ELN: variants seen among roughly 807,000 people sequenced by gnomAD.
ELN encodes the protein elastin.
A neutral mutation model predicts 105.8 loss-of-function variants in ELN; 65 were observed. The observed-to-expected ratio is 0.61, with a 90% CI of 0.50 to 0.75. The LOEUF (loss-of-function observed/expected upper bound fraction) is 0.75, where lower values mean the gene tolerates loss of function less well. ELN is among the 30% of genes least tolerant of loss of function. The probability of loss-of-function intolerance (pLI) is 0.00; values close to 1 mark genes in which losing one functional copy is unlikely to be tolerated. For missense variants in ELN, 882 were observed against 969.4 expected, an observed-to-expected ratio of 0.91 and a Z score of 1.20; for synonymous variants, 368 against 389.2, an observed-to-expected ratio of 0.95 and a Z score of 0.64.
chr7:74,060,704 A>G, intron 25 of ELN: 9 of 1,378,414 alleles, frequency 6.5e-6, no homozygotes, highest in Non-Finnish European at 8.9e-6. Flanking sequence ...CCAATTGCAG[A>G]GTATCTGCCT....
intron 15 of ELN, among the ~76,000 whole-genome samples, chr7:74,050,325 C>G (rs1360569646): frequency 2.0e-5 from 3 of 151,716 alleles, no homozygotes; most frequent in Non-Finnish European, 4.4e-5. Context: ...CTCCATGCAT[C>G]CATCTATCCA....
chr7:74,057,404 G>A lies in ELN; in HGVS notation c.1358-236G>A, dbSNP rs529133775. 329 of 1,511,426 alleles carry A rather than the reference G, an allele frequency of 2.2e-4. 5 individuals carry two copies. In the East Asian group the frequency reaches 7.4e-3, roughly 34 times the overall value. 93.6% of individuals were successfully genotyped at this position (1,511,426 alleles called of 1,614,324 possible). A position where few individuals can be genotyped will look rare whatever the true frequency, so the allele number is the denominator to read the frequency against. Reference sequence around the variant, plus strand: ...GAGGTGCTGCAGGAGCAGGAGTGCTGGGTGGGCTAGTGCCAGGTGCCCCAG... The same window carrying A: ...GAGGTGCTGCAGGAGCAGGAGTGCTAGGTGGGCTAGTGCCAGGTGCCCCAG... On this transcript the variant is annotated intron_variant, in intron 21 of 32. Coordinates refer to ENST00000252034, the MANE Select transcript of ELN (RefSeq NM_000501.4).
intron 21 of ELN, among the ~76,000 whole-genome samples, chr7:74,057,088 A>G (rs1004151339): frequency 2.0e-5 from 3 of 151,998 alleles, no homozygotes; most frequent in Non-Finnish European, 4.4e-5. Context: ...AAATACAAAA[A>G]TTAGCTGGGC....
rs782166478 is a variant in ELN at position 74,060,117 on chromosome 7, C to A, written c.1577-23C>A. Reference sequence around the variant, plus strand: ...CATGGGCCCCGCCTCCATCTCTAATCCCCCTCTCTCTCCCTCCCTCAGCTG... The same window carrying A: ...CATGGGCCCCGCCTCCATCTCTAATACCCCTCTCTCTCCCTCCCTCAGCTG... On this transcript the variant is annotated intron_variant, in intron 23 of 32. Transcript: ENST00000252034. 1.3e-5 allele frequency: 21 copies of A among 1,614,074 alleles called. 1 individual carries two copies. The South Asian group carries it at 2.2e-4, about 17-fold the overall frequency.
rs782491657 is a variant in ELN, at chr7:74,057,702, T to TC, written c.1414+11dup. 7.0e-5 allele frequency: 113 copies of TC among 1,609,654 alleles called. No homozygotes were observed. In the African/African-American group the frequency reaches 1.3e-3, roughly 19 times the overall value. ...CGCCAAAGCCGCCCAGTTTGGTAAG[T>TC]CCCCCTCACCCCCGCCACTGGCTCA... is the stretch of plus-strand genomic sequence containing the variant. On this transcript the variant is annotated splice_region_variant and intron_variant, in intron 22 of 32. Transcript: ENST00000252034.
chr7:74,066,109 AC>A, intron 31 of ELN, 112 bp downstream of exon 31: 1 of 1,508,780 alleles, frequency 6.6e-7, no homozygotes, highest in South Asian at 1.1e-5. Context: ...AGGACAGGAG[AC>A]TGGGGCTGGT....
intron 15 of ELN, among the ~76,000 whole-genome samples, chr7:74,050,659 A>G (rs1793840136): frequency 6.6e-6 from 1 of 152,072 alleles, no homozygotes; most frequent in African/African-American, 2.4e-5. Flanking sequence ...CCATGCATTC[A>G]TCCATGCCTC....
Position 74,065,149 on chromosome 7 carries a change from T to C in ELN, c.1994-545T>C, listed in dbSNP as rs531403232. Among the ~76,000 whole-genome samples, 5 of 152,090 alleles carry C rather than the reference T, an allele frequency of 3.3e-5. No homozygotes were observed. In the South Asian group the frequency reaches 1.0e-3, roughly 32 times the overall value. Reference sequence around the variant, plus strand: ...CTGTAGTTTCAGCTACTTGGGAGGCTGAGGCAGGAAGATCACTTGAACCCG... The same window carrying C: ...CTGTAGTTTCAGCTACTTGGGAGGCCGAGGCAGGAAGATCACTTGAACCCG... On this transcript the variant is annotated intron_variant, in intron 29 of 32. Coordinates refer to ENST00000252034, the MANE Select transcript of ELN (RefSeq NM_000501.4).
intron 31 of ELN, 61 bp from the exon 32 acceptor site, chr7:74,066,671 T>C (rs1276781066): frequency 6.4e-7 from 1 of 1,571,464 alleles, no homozygotes; most frequent in African/African-American, 1.4e-5. Flanking sequence ...AGGCAGAAAG[T>C]GATGAGGCTG....
chr7:74,035,954 A>G (rs1554665336), intron 2 of ELN, among the ~76,000 whole-genome samples: 2 of 151,862 alleles, frequency 1.3e-5, no homozygotes, highest in Non-Finnish European at 2.9e-5. Flanking sequence ...AGAAAAGGGG[A>G]AAAAAAGAAA....
chr7:74,065,449 A>G (rs1324363827), intron 29 of ELN, among the ~76,000 whole-genome samples: 1 of 151,710 alleles, frequency 6.6e-6, no homozygotes, highest in South Asian at 2.1e-4. Flanking sequence ...ACCTGTCTCT[A>G]CTAAAAATAC....
At chr7:74,032,378 TGGCA>T (rs1377555782) in intron 1 of ELN, among the ~76,000 whole-genome samples, 3 of 152,144 alleles carry the variant, frequency 2.0e-5, no homozygotes, top group Non-Finnish European at 4.4e-5. Flanking sequence ...AGGACATTCC[TGGCA>T]GGAGAAACGG....
intron 25 of ELN, chr7:74,060,747 A>AG: frequency 9.2e-7 from 1 of 1,081,082 alleles, no homozygotes; most frequent in Non-Finnish European, 1.3e-6. Flanking sequence ...CTCCAGACTG[A>AG]GAAAAAGCCT....
intron 22 of ELN, 132 bp downstream of exon 22, chr7:74,057,828 C>T (rs928027650): frequency 3.0e-6 from 3 of 1,010,250 alleles, no homozygotes; most frequent in Non-Finnish European, 4.6e-6. Flanking sequence ...GGTGGGCCCT[C>T]CTTAGACCTT....
chr7:74,042,676 G>C lies in ELN; in HGVS notation c.295G>C (p.Ala99Pro). 2 of 1,613,196 alleles carry C rather than the reference G, an allele frequency of 1.2e-6. No homozygotes were observed. Among genetic ancestry groups the C allele is most frequent in the South Asian group, 2.2e-5 (2 of 91,080 alleles). Reference sequence around the variant, plus strand: ...TCTGGTGCCTGGTGGAGTGGCTGACGCTGCTGCAGCCTATAAAGCTGCTAA... The same window carrying C: ...TCTGGTGCCTGGTGGAGTGGCTGACCCTGCTGCAGCCTATAAAGCTGCTAA... Reference protein sequence around the residue: ...GALVPGGVADAAAAYKAAKAG... With the variant: ...GALVPGGVADPAAAYKAAKAG... Residue 99 changes from alanine to proline, a missense_variant, in exon 6 of 33, where the codon GCT becomes CCT. Coordinates refer to ENST00000252034, the MANE Select transcript of ELN (RefSeq NM_000501.4).
chr7:74,063,311 A>G lies in ELN; in HGVS notation c.1860A>G (p.Gly620=). 1 of 1,552,104 alleles carries G rather than the reference A, an allele frequency of 6.4e-7. No homozygotes were observed. ...GGVGIPGGVV[G]AGPAAAAAAA... is the part of the protein sequence containing the mutation. The stretch of plus-strand genomic sequence containing the variant: ...CCTGAACTCGGTCTGTGTTCCCAGG[A>G]GCCGGACCCGCCGCCGCCGCTGCCG... Residue 620 remains glycine (G), a splice_region_variant and synonymous_variant, in exon 28 of 33, where the codon GGA becomes GGG. Transcript: ENST00000252034. This position sits in a 1 kb window ranked among gnomAD's most constrained non-coding sequence, Gnocchi z 4.1.
chr7:74,034,028 C>T (rs1189624649), intron 1 of ELN, among the ~76,000 whole-genome samples: 3 of 152,184 alleles, frequency 2.0e-5, no homozygotes, highest in Non-Finnish European at 2.9e-5. Flanking sequence ...GGACTGAACT[C>T]GTGATCCTGT....
intron 14 of ELN, 66 bp downstream of exon 14, chr7:74,048,267 G>T: frequency 6.2e-7 from 1 of 1,606,612 alleles, no homozygotes; most frequent in Non-Finnish European, 8.5e-7. Context: ...AGAGCCCTGG[G>T]GTGGGTGAGG....
intron 1 of ELN, among the ~76,000 whole-genome samples, chr7:74,034,882 C>T (rs1260905865): frequency 6.6e-6 from 1 of 152,198 alleles, no homozygotes; most frequent in African/African-American, 2.4e-5. Flanking sequence ...AGGCAGATCA[C>T]TTGAGGTCAG....
Sources: allele counts gnomAD v4.1 joint callset (sites outside exome capture counted in the v4.1 genomes callset), GRCh38; gene constraint gnomAD v4.1.1; non-coding constraint Gnocchi (gnomAD v3.1); transcripts MANE v1.5; gene names NCBI Gene and HGNC (gene_info 2026-07-23, HGNC 2026-07-21).